The following DLG2 variants were observed in gnomAD, a reference collection of about 807,000 sequenced individuals.
DLG2 encodes the protein discs large MAGUK scaffold protein 2.
Under a neutral mutation model 132.5 loss-of-function variants are expected in DLG2, and 45 were observed. That is an observed-to-expected ratio of 0.34 (90% CI 0.27 to 0.44). The LOEUF is 0.44. DLG2 is among the 20% of genes least tolerant of loss of function. DLG2 has a pLI of 1.00. For missense variants in DLG2, 1,045 were observed against 1,196.9 expected (o/e 0.87, Z 1.87); for synonymous variants, 424 against 419.6 (o/e 1.01, Z -0.13).
At chr11:85,287,153 A>G (rs946503372) in intron 3 of DLG2, among the ~76,000 whole-genome samples, 1 of 152,120 alleles carries the variant, frequency 6.6e-6, no homozygotes, top group South Asian at 2.1e-4. Context: ...CAAACCTATT[A>G]AATTATGCAT....
intron 6 of DLG2, among the ~76,000 whole-genome samples, chr11:85,085,483 C>T (rs1353232258): frequency 6.6e-6 from 1 of 151,938 alleles, no homozygotes; most frequent in Non-Finnish European, 1.5e-5. Context: ...TTTACCTTCC[C>T]AATTAGATCA....
chr11:85,149,771 A>G (rs1176728632), intron 5 of DLG2, among the ~76,000 whole-genome samples: 1 of 152,184 alleles, frequency 6.6e-6, no homozygotes, highest in South Asian at 2.1e-4. Context: ...AATATATGAG[A>G]CTTAACAAAA....
chr11:84,715,676 C>A (rs938641061), intron 6 of DLG2, among the ~76,000 whole-genome samples: 2 of 151,952 alleles, frequency 1.3e-5, no homozygotes, highest in African/African-American at 4.8e-5. Flanking sequence ...CAGGTGTATC[C>A]ATGTTATTGC....
chr11:85,345,795 C>T (rs1203319336), intron 3 of DLG2, among the ~76,000 whole-genome samples: 1 of 151,996 alleles, frequency 6.6e-6, no homozygotes, highest in Non-Finnish European at 1.5e-5. Flanking sequence ...ATTGTTACCC[C>T]AAAGAGCACA....
chr11:85,478,449 A>T (rs1445122328), intron 3 of DLG2, among the ~76,000 whole-genome samples: 1 of 151,852 alleles, frequency 6.6e-6, no homozygotes, highest in Non-Finnish European at 1.5e-5. Flanking sequence ...ATATTTATTC[A>T]TAAAAAAAAT....
rs1567804850 is a variant in DLG2, at chr11:84,502,274, C to T, written c.519+32296G>A. 4.8e-3 allele frequency among the ~76,000 whole-genome samples: 253 copies of T among 52,288 alleles called. 64 individuals are homozygous for T. Among genetic ancestry groups the T allele is most frequent in the African/African-American group, 0.034 (140 of 4,160 alleles). 34.3% of individuals were successfully genotyped at this position (52,288 alleles called of 152,430 possible). A position where few individuals can be genotyped will look rare whatever the true frequency, so the allele number is the denominator to read the frequency against. Reference sequence around the variant, plus strand: ...TCCTTCCTTCCTTCCTTCCTTCCTTCCTTCCTTCTTTCTTTCTTTCTTTCT... The same window carrying T: ...TCCTTCCTTCCTTCCTTCCTTCCTTTCTTCCTTCTTTCTTTCTTTCTTTCT... On this transcript the variant is annotated intron_variant, in intron 7 of 27. Transcript: ENST00000376104.
rs57801736 is a variant in DLG2, at chr11:83,718,556, G to GA, written c.1825+68133dup. Among the ~76,000 whole-genome samples, 806 of 128,542 alleles carry GA rather than the reference G, an allele frequency of 6.3e-3. 5 individuals are homozygous for GA. Among genetic ancestry groups the GA allele is most frequent in the African/African-American group, 0.022 (763 of 34,302 alleles). The allele number at this position is 128,542 out of a possible 152,430, so 84.3% of individuals were successfully genotyped here. A position where few individuals can be genotyped will look rare whatever the true frequency, so the allele number is the denominator to read the frequency against. On this transcript the variant is annotated intron_variant, in intron 18 of 27. Coordinates refer to ENST00000376104, the MANE Select transcript of DLG2 (RefSeq NM_001142699.3). ...AGAAAAAAAAAAAAAAAAAAAGAAA[G>GA]AAAAAAAGAAATATCCCATGTTATG... is the stretch of plus-strand genomic sequence containing the variant.
chr11:84,373,639 G>A (rs1349283687), intron 7 of DLG2, among the ~76,000 whole-genome samples: 1 of 151,990 alleles, frequency 6.6e-6, no homozygotes, highest in Non-Finnish European at 1.5e-5. Flanking sequence ...AATGACTAGT[G>A]AAGGAGGAAA....
chr11:84,868,204 G>A (rs914352510), intron 6 of DLG2, among the ~76,000 whole-genome samples: 1 of 147,974 alleles, frequency 6.8e-6, no homozygotes, highest in Non-Finnish European at 1.5e-5. Context: ...TAACTATCAT[G>A]GCCATTGAAG....
intron 7 of DLG2, among the ~76,000 whole-genome samples, chr11:84,308,663 A>G (rs941560260): frequency 9.2e-5 from 14 of 152,074 alleles, no homozygotes; most frequent in Non-Finnish European, 1.9e-4. Context: ...AGGCTCAGGC[A>G]TGGTCCCGAG....
At chr11:84,261,845 G>A (rs780139554) in intron 7 of DLG2, among the ~76,000 whole-genome samples, 2 of 152,030 alleles carry the variant, frequency 1.3e-5, no homozygotes, top group African/African-American at 2.4e-5. Context: ...GAAACTCTTG[G>A]GGCAACAGAA....
At chr11:83,467,220 A>C (rs1255720759) in intron 25 of DLG2, among the ~76,000 whole-genome samples, 1 of 152,190 alleles carries the variant, frequency 6.6e-6, no homozygotes, top group Non-Finnish European at 1.5e-5. Context: ...GCTGCATTTT[A>C]CAGAAGACTC....
chr11:85,364,006 T>C (rs142149398), intron 3 of DLG2, among the ~76,000 whole-genome samples: 81 of 152,274 alleles, frequency 5.3e-4, no homozygotes, highest in Middle Eastern at 3.4e-3. Context: ...TAATAGAAGA[T>C]TTGTCAGAAA....
At chr11:83,770,467 A>G (rs2094350335) in intron 18 of DLG2, among the ~76,000 whole-genome samples, 1 of 152,094 alleles carries the variant, frequency 6.6e-6, no homozygotes, top group Non-Finnish European at 1.5e-5. Context: ...AGGATGAGCA[A>G]TTTGGTGTCA....
chr11:84,120,715 C>A (rs1341024944), intron 9 of DLG2, among the ~76,000 whole-genome samples: 1 of 152,162 alleles, frequency 6.6e-6, no homozygotes, highest in African/African-American at 2.4e-5. Flanking sequence ...GTTTGCACCA[C>A]TCAGCAAATT....
intron 15 of DLG2, among the ~76,000 whole-genome samples, chr11:83,908,183 C>T (rs975276150): frequency 3.3e-5 from 5 of 152,080 alleles, no homozygotes; most frequent in South Asian, 2.1e-4. Context: ...TCTAAGTATC[C>T]GTATACTTAT....
intron 16 of DLG2, among the ~76,000 whole-genome samples, chr11:83,849,105 C>T (rs1341340507): frequency 6.6e-6 from 1 of 152,154 alleles, no homozygotes; most frequent in Non-Finnish European, 1.5e-5. Flanking sequence ...TTCAGACACA[C>T]ATCTAAGTTT....
intron 6 of DLG2, chr11:84,997,564 A>G (rs2057781350): frequency 1.3e-5 from 2 of 152,176 alleles, no homozygotes; most frequent in South Asian, 2.1e-4. Flanking sequence ...ACACCTCAAT[A>G]TAACATTGGT....
chr11:85,306,770 G>A (rs1287396620), intron 3 of DLG2, among the ~76,000 whole-genome samples: 2 of 151,954 alleles, frequency 1.3e-5, no homozygotes, highest in Non-Finnish European at 2.9e-5. Context: ...GACGGGGTTT[G>A]ACTGTGTGAG....
Sources: gnomAD v4.1 joint callset for allele counts (sites outside exome capture counted in the v4.1 genomes callset) on GRCh38, gnomAD v4.1.1 for gene constraint, MANE v1.5 for transcripts, NCBI Gene and HGNC (gene_info 2026-07-23, HGNC 2026-07-21) for gene names.